HCFC1: variants seen among roughly 807,000 people sequenced by gnomAD.
HCFC1 encodes host cell factor C1, also known as host cell factor 1.
HCFC1 carries 7 observed loss-of-function variants against 105.5 expected under a neutral mutation model. That is an observed-to-expected ratio of 0.07 (90% confidence interval 0.04 to 0.12). The LOEUF is 0.12. Among genes scored for constraint, HCFC1 ranks in the 10% least tolerant of loss-of-function variants. The pLI is 1.00. For missense variants in HCFC1, 1,065 were observed against 1,823.6 expected (o/e 0.58, Z 7.58); for synonymous variants, 918 against 828.1 (o/e 1.11, Z -1.86).
At chrX:153,951,730 C>A (rs782802942) in intron 20 of HCFC1, 23 bp from the exon 21 acceptor site, 1 of 1,189,533 alleles carries the variant, frequency 8.4e-7, no homozygotes, top group Admixed American at 2.3e-5. Context: ...AAGGTGTCAG[C>A]GGGAAAGACT....
At position 153,954,037 on chromosome X, in the gene HCFC1, T is replaced by C. The variant is rs1336237208; in HGVS notation, c.4333+29A>G. The C allele has an allele frequency of 5.1e-6, 6 of 1,169,469 alleles. No individual in the cohort carries two copies. In the African/African-American group the frequency reaches 5.3e-5, roughly 10 times the overall value. ...TTCAGCCTGGGGGGCTGGGAGACCA[T>C]GAAAGCCAGGCTGGCCACCTTCACT... On this transcript the variant is annotated intron_variant, in intron 17 of 25. Transcript: ENST00000310441.
rs782469908 is a variant in HCFC1 at position 153,952,965 on chromosome X, G to A, written c.4498-7C>T. The A allele has an allele frequency of 1.0e-5, 12 of 1,161,337 alleles. No homozygotes were observed. The Admixed American group carries it at 2.3e-4, about 22-fold the overall frequency. ...CCTGGAGTTCCTCTGGGGGCTGCAG[G>A]ATGTCAACAGCAGAGAAGGGCATGT... On this transcript the variant is annotated splice_polypyrimidine_tract_variant and splice_region_variant and intron_variant, in intron 18 of 25. Coordinates refer to ENST00000310441, the MANE Select transcript of HCFC1 (RefSeq NM_005334.3).
chrX:153,959,103 G>A (rs1157924106), intron 9 of HCFC1, among the ~76,000 whole-genome samples: 3 of 113,108 alleles, frequency 2.7e-5, no homozygotes, highest in Admixed American at 1.9e-4. Flanking sequence ...GAAAGTCCAC[G>A]TGGCAAATGC....
intron 9 of HCFC1, 22 bp downstream of exon 9, chrX:153,959,309 C>T: frequency 1.4e-5 from 16 of 1,181,666 alleles, no homozygotes; most frequent in Middle Eastern, 2.4e-4. Context: ...AAATCCCACC[C>T]GCCCCAGTGA....
Position 153,954,548 on chromosome X carries a change from G to A in HCFC1, c.3851C>T (p.Thr1284Ile). Residue 1284 changes from threonine (T) to isoleucine (I), a missense_variant, in exon 17 of 26, where the codon ACC (threonine) becomes ATC (isoleucine). This residue lies in a region of HCFC1 where 546 missense variants were observed against 599.9 expected (regional missense o/e 0.91). Transcript: ENST00000310441. ...TGGGTTGGAGCAGACTTGGGTCACG[G>A]TGGCCGAGGGGCACAGCAGTGCCTC... Reference protein sequence around the residue: ...ALEALLCPSATVTQVCSNPPC... With the variant: ...ALEALLCPSAIVTQVCSNPPC... The A allele has an allele frequency of 8.3e-7, 1 of 1,211,584 alleles. No individual in the cohort carries two copies. The highest frequency in any genetic ancestry group is 1.1e-6 in the Non-Finnish European group (1 of 895,288).
In HCFC1 at chrX:153,948,234, C is replaced by T. The variant is rs1431633271; in HGVS notation, c.*1113G>A. 1 of 112,157 alleles carries T rather than the reference C, an allele frequency of 8.9e-6. No homozygotes were observed. The highest frequency in any genetic ancestry group is 1.9e-5 in the Non-Finnish European group (1 of 53,157). The allele number at this position is 112,157 out of a possible 1,213,427, so 9.2% of individuals were successfully genotyped here. A position where few individuals can be genotyped will look rare whatever the true frequency, so the allele number is the denominator to read the frequency against. ...CCAGGACAAGGAGGCCCCAGCCCTCCCTCAAGCTCCCCTAGGCTCGACCCT... is the reference window on the plus strand; with the variant it reads ...CCAGGACAAGGAGGCCCCAGCCCTCTCTCAAGCTCCCCTAGGCTCGACCCT... On this transcript the variant is annotated 3_prime_UTR_variant, in exon 26 of 26. Coordinates refer to ENST00000310441, the MANE Select transcript of HCFC1 (RefSeq NM_005334.3).
At chrX:153,961,045 C>T (rs1488195409) in intron 6 of HCFC1, among the ~76,000 whole-genome samples, 2 of 112,737 alleles carry the variant, frequency 1.8e-5, no homozygotes, top group African/African-American at 3.2e-5. Flanking sequence ...CACGGAGCGG[C>T]GCCTGTACAA....
intron 18 of HCFC1, 49 bp from the exon 19 acceptor site, chrX:153,953,007 G>T (rs1284271699): frequency 1.9e-6 from 2 of 1,046,555 alleles, no homozygotes; most frequent in Non-Finnish European, 2.6e-6. Context: ...TTTCTGTGTT[G>T]GCTATGGTCA....
chrX:153,958,574 C>T lies in HCFC1; in HGVS notation c.1798G>A (p.Val600Ile). Residue 600 changes from valine to isoleucine, a missense_variant, in exon 10 of 26, where the codon GTC becomes ATC. Coordinates refer to ENST00000310441, the MANE Select transcript of HCFC1 (RefSeq NM_005334.3). ...AAGCCCCGGAAGACGCTCACCATGA[C>T]TGGCGAGGAGGCCACCTTCACAGTG... Reference protein sequence around the residue: ...PATVKVASSPVMVSNPATRML... With the variant: ...PATVKVASSPIMVSNPATRML... 1 of 1,196,828 alleles carries T rather than the reference C, an allele frequency of 8.4e-7. No homozygotes were observed. The highest frequency in any genetic ancestry group is 1.1e-6 in the Non-Finnish European group (1 of 886,104).
Position 153,953,486 on chromosome X carries a change from C to T in HCFC1, c.4497+121G>A, listed in dbSNP as rs2065335407. 15 of 732,458 alleles carry T rather than the reference C, an allele frequency of 2.0e-5. No homozygotes were observed. In the Admixed American group the frequency reaches 3.0e-4, roughly 15 times the overall value. The allele number at this position is 732,458 out of a possible 1,213,427, so 60.4% of individuals were successfully genotyped here. A position where few individuals can be genotyped will look rare whatever the true frequency, so the allele number is the denominator to read the frequency against. ...GCACCGAGGCTGCCCTTTTATGGTCCGGAAAAGGGACCAGGAGCGGCCCCA... is the reference window on the plus strand; with the variant it reads ...GCACCGAGGCTGCCCTTTTATGGTCTGGAAAAGGGACCAGGAGCGGCCCCA... On this transcript the variant is annotated intron_variant, in intron 18 of 25. Coordinates refer to ENST00000310441, the MANE Select transcript of HCFC1 (RefSeq NM_005334.3).
Position 153,954,274 on chromosome X carries a change from G to C in HCFC1, c.4125C>G (p.Ala1375=). ...TGTTMSVSVG[A]LLPDATSSHR... The stretch of plus-strand genomic sequence containing the variant: ...GGGAAGAAGTGGCGTCGGGAAGCAG[G>C]GCACCCACGCTGACCGACATGGTGG... Residue 1375 remains alanine, a synonymous_variant, in exon 17 of 26, where the codon GCC becomes GCG. Coordinates refer to ENST00000310441, the MANE Select transcript of HCFC1 (RefSeq NM_005334.3). 1 of 1,202,729 alleles carries C rather than the reference G, an allele frequency of 8.3e-7. No individual in the cohort carries two copies. Among genetic ancestry groups the C allele is most frequent in the Middle Eastern group, 2.3e-4 (1 of 4,273 alleles).
chrX:153,958,477 T>G (rs782599263), intron 10 of HCFC1, 92 bp downstream of exon 10: 98 of 878,952 alleles, frequency 1.1e-4, no homozygotes, highest in Non-Finnish European at 1.5e-4. Flanking sequence ...GACAGCTTAT[T>G]CTGCAGCCCA....
Position 153,963,252 on chromosome X carries a change from G to A in HCFC1, c.685C>T (p.Leu229=). Residue 229 remains leucine (L), a synonymous_variant, in exon 4 of 26, where the codon CTG becomes TTG. Coordinates refer to ENST00000310441, the MANE Select transcript of HCFC1 (RefSeq NM_005334.3). ...VIYGGMSGCR[L]GDLWTLDIDT... is the part of the protein sequence containing the mutation. ...ATATCTAGGGTCCACAGGTCCCCCA[G>A]CCTGCAGCCACTCATCCCGCCGTAG... 8.3e-7 allele frequency: 1 copy of A among 1,209,516 alleles called. No individual in the cohort carries two copies. The highest frequency in any genetic ancestry group is 1.1e-6 in the Non-Finnish European group (1 of 894,244).
chrX:153,951,095 G>A (rs1024713330), intron 22 of HCFC1, 97 bp from the exon 23 acceptor site: 9 of 880,996 alleles, frequency 1.0e-5, no homozygotes, highest in Non-Finnish European at 1.5e-5. Context: ...GGGCCAGAGG[G>A]AAAAGAGGTC....
chrX:153,953,759 C>G lies in HCFC1; in HGVS notation c.4345G>C (p.Ala1449Pro). Residue 1449 changes from alanine to proline, a missense_variant, in exon 18 of 26, where the codon GCT becomes CCT. Transcript: ENST00000310441. ...TCCACCTCTCCCTGATCGCTGGCAG[C>G]AGGTGGGGGGTCTGTGGGGGCGACA... ...NMSSNQDPPPAASDQGEVEST... is the reference protein window; with the variant it reads ...NMSSNQDPPPPASDQGEVEST... 2.5e-6 allele frequency: 3 copies of G among 1,206,694 alleles called. No individual in the cohort carries two copies. The highest frequency in any genetic ancestry group is 3.4e-6 in the Non-Finnish European group (3 of 893,366).
chrX:153,954,561 ACAGCAGT>A lies in HCFC1; in HGVS notation c.3831_3837del (p.Leu1278AlafsTer6), dbSNP rs1557113915. On this transcript the variant is annotated frameshift_variant, in exon 17 of 26. Coordinates refer to ENST00000310441, the MANE Select transcript of HCFC1 (RefSeq NM_005334.3). LOFTEE classifies it high-confidence loss of function. ...ACTTGGGTCACGGTGGCCGAGGGGC[ACAGCAGT>A]GCCTCCAGGGCTGTCACAGTCACTG... is the stretch of plus-strand genomic sequence containing the variant. 8.3e-7 allele frequency: 1 copy of A among 1,209,736 alleles called. No homozygotes were observed. The highest frequency in any genetic ancestry group is 3.0e-5 in the East Asian group (1 of 33,687).
Position 153,970,697 on chromosome X carries a change from A to G in HCFC1, c.144T>C (p.Phe48=), listed in dbSNP as rs1467418145. The change falls in exon 1 of 26, where the codon TTT becomes TTC. Residue 48 remains phenylalanine (F), a synonymous_variant. Transcript: ENST00000310441. ...CCACTATTCCCTCGTTGCCGCCGCC[A>G]AACACCACGATGAGCTCCTTGATGG... ...AVAIKELIVV[F]GGGNEGIVDE... 1.7e-6 allele frequency: 2 copies of G among 1,207,857 alleles called. No homozygotes were observed. The highest frequency in any genetic ancestry group is 2.2e-6 in the Non-Finnish European group (2 of 894,148).
Position 153,959,874 on chromosome X carries a change from T to C in HCFC1, c.1372A>G (p.Thr458Ala). The C allele has an allele frequency of 8.4e-7, 1 of 1,194,093 alleles. No homozygotes were observed. The highest frequency in any genetic ancestry group is 1.1e-6 in the Non-Finnish European group (1 of 884,471). Residue 458 changes from threonine (T) to alanine (A), a missense_variant, in exon 8 of 26, where the codon ACC (threonine) becomes GCC (alanine). Coordinates refer to ENST00000310441, the MANE Select transcript of HCFC1 (RefSeq NM_005334.3). ...GTTGGCAAGACCTGGATGGTGGTGG[T>C]GGTCGGGGGTGCGGGGGCAGCCTGG... Reference protein sequence around the residue: ...LPQAAPAPPTTTTIQVLPTVP... With the variant: ...LPQAAPAPPTATTIQVLPTVP...
chrX:153,952,396 C>A, intron 19 of HCFC1, 118 bp downstream of exon 19: 1 of 901,766 alleles, frequency 1.1e-6, no homozygotes. Flanking sequence ...GCTCGTCCTC[C>A]CCATCACATC....
Sources: allele counts gnomAD v4.1 joint callset (sites outside exome capture counted in the v4.1 genomes callset), GRCh38; gene constraint gnomAD v4.1.1; regional missense constraint gnomAD v4.1.1; transcripts MANE v1.5; gene names NCBI Gene and HGNC (gene_info 2026-07-23, HGNC 2026-07-21).